The following FCN2 variants were observed in gnomAD, a reference collection of about 807,000 sequenced individuals.
The protein encoded by FCN2 is ficolin-2.
A neutral mutation model predicts 32.5 loss-of-function variants in FCN2; 31 were observed. The observed-to-expected ratio is 0.96, with a 90% CI of 0.72 to 1.29. FCN2 has a LOEUF of 1.29. FCN2 is among the 50% of genes most tolerant of loss of function. The pLI, the probability that FCN2 is intolerant of heterozygous loss-of-function variation, is 0.00. For missense variants in FCN2, 412 were observed against 406.5 expected (o/e 1.01, Z -0.12); for synonymous variants, 181 against 164.5 (o/e 1.10, Z -0.77).
chr9:134,885,217 AT>A, intron 4 of FCN2, 21 bp from the exon 5 acceptor site: 4 of 1,613,808 alleles, frequency 2.5e-6, no homozygotes, highest in Non-Finnish European at 3.4e-6. Context: ...TCCTGCAGCC[AT>A]TCCCCGGGTT....
Position 134,880,891 on chromosome 9 carries a change from T to A in FCN2, c.70T>A (p.Trp24Arg). The change falls in exon 1 of 8, where the codon TGG (tryptophan) becomes AGG (arginine). Residue 24 changes from tryptophan (W) to arginine (R), a missense_variant. Coordinates refer to ENST00000291744, the MANE Select transcript of FCN2 (RefSeq NM_004108.3). Reference sequence around the variant, plus strand: ...GCTGCTCTCTTTCCTGGGCATGGCCTGGGCTCTCCAGGCGGCAGACACCTG... The same window carrying A: ...GCTGCTCTCTTTCCTGGGCATGGCCAGGGCTCTCCAGGCGGCAGACACCTG... ...TLLLSFLGMAWALQAADTCPE... is the reference protein window; with the variant it reads ...TLLLSFLGMARALQAADTCPE... The A allele has an allele frequency of 6.2e-7, 1 of 1,613,558 alleles. No individual in the cohort carries two copies. The highest frequency in any genetic ancestry group is 8.5e-7 in the Non-Finnish European group (1 of 1,179,906).
At chr9:134,869,545 C>T in the FCN2 span, among the ~76,000 whole-genome samples, 5 of 152,332 alleles carry the variant, frequency 3.3e-5, no homozygotes, top group East Asian at 5.8e-4. Flanking sequence ...CTCCCTTCCC[C>T]GCCTCTGGAA....
chr9:134,871,941 C>A, the FCN2 span, among the ~76,000 whole-genome samples: 1 of 151,644 alleles, frequency 6.6e-6, no homozygotes, highest in Non-Finnish European at 1.5e-5. Context: ...CACCCACCCC[C>A]ACCCGGCCCC....
chr9:134,875,464 G>A, the FCN2 span, among the ~76,000 whole-genome samples: 1 of 152,114 alleles, frequency 6.6e-6, no homozygotes, highest in African/African-American at 2.4e-5. Flanking sequence ...TCTATGATTT[G>A]CTTCTAACCA....
chr9:134,864,937 T>C, the FCN2 span, among the ~76,000 whole-genome samples: 1 of 152,030 alleles, frequency 6.6e-6, no homozygotes, highest in Non-Finnish European at 1.5e-5. Context: ...AGCAGGGCCG[T>C]CTCCCCGGGG....
chr9:134,882,469 C>A, intron 1 of FCN2, 57 bp from the exon 2 acceptor site: 1 of 1,378,700 alleles, frequency 7.3e-7, no homozygotes, highest in Non-Finnish European at 1.0e-6. Flanking sequence ...ATATCTATGG[C>A]TCAGTGGAGT....
the FCN2 span, among the ~76,000 whole-genome samples, chr9:134,864,310 C>T: frequency 2.6e-5 from 4 of 152,298 alleles, no homozygotes; most frequent in Non-Finnish European, 4.4e-5. Context: ...ACAGGCAGGC[C>T]CTTCCCACAC....
Position 134,885,254 on chromosome 9 carries a change from A to G in FCN2, c.317A>G (p.Lys106Arg), listed in dbSNP as rs147936623. ...QPCLTGPRTC[K>R]DLLDRGHFLS... ...CCCTTCCCAGGCCCGCGTACCTGCAAGGACCTGCTAGACCGAGGGCACTTC... is the reference window on the plus strand; with the variant it reads ...CCCTTCCCAGGCCCGCGTACCTGCAGGGACCTGCTAGACCGAGGGCACTTC... Residue 106 changes from lysine to arginine, a missense_variant, in exon 5 of 8, where the codon AAG (lysine) becomes AGG (arginine). Transcript: ENST00000291744. 1,440 of 1,614,052 alleles carry G rather than the reference A, an allele frequency of 8.9e-4. 17 individuals carry two copies. In the Middle Eastern group the frequency reaches 0.016, roughly 18 times the overall value.
At chr9:134,872,045 C>G in the FCN2 span, among the ~76,000 whole-genome samples, 1,711 of 152,088 alleles carry the variant, frequency 0.011, 35 homozygotes, top group African/African-American at 0.037. Flanking sequence ...ATCCTATCCA[C>G]TCTCTGCTGC....
chr9:134,881,109 C>CAG (rs1449765551), intron 1 of FCN2, among the ~76,000 whole-genome samples, 188 bp downstream of exon 1: 1 of 152,226 alleles, frequency 6.6e-6, no homozygotes, highest in Non-Finnish European at 1.5e-5. Flanking sequence ...TGTGGCATCT[C>CAG]AGAGACGGAG....
upstream of FCN2, among the ~76,000 whole-genome samples, chr9:134,875,978 A>G (rs957338899): frequency 3.9e-5 from 6 of 152,256 alleles, no homozygotes; most frequent in African/African-American, 1.4e-4. Context: ...TCATTTTTGG[A>G]GAGCCTTTTT....
intron 6 of FCN2, 135 bp from the exon 7 acceptor site, chr9:134,886,295 G>A (rs537830521): frequency 9.7e-7 from 1 of 1,033,462 alleles, no homozygotes; most frequent in South Asian, 1.3e-5. Context: ...ACAGGCCCCG[G>A]GGATGCTGCG....
chr9:134,885,045 G>A (rs1239827531), intron 4 of FCN2, among the ~76,000 whole-genome samples, 194 bp from the exon 5 acceptor site: 2 of 152,242 alleles, frequency 1.3e-5, no homozygotes, highest in Non-Finnish European at 2.9e-5. Context: ...TGGGAGGTGG[G>A]AGGGCCAGGC....
intron 5 of FCN2, 57 bp from the exon 6 acceptor site, chr9:134,885,711 C>A: frequency 6.2e-7 from 1 of 1,612,256 alleles, no homozygotes; most frequent in East Asian, 2.2e-5. Context: ...GCGGGTCCCC[C>A]GTGCTGTGGG....
chr9:134,880,725 G>T, upstream of FCN2: 1 of 964,490 alleles, frequency 1.0e-6, no homozygotes, highest in Non-Finnish European at 1.6e-6. Flanking sequence ...AGAGGAAGCG[G>T]CTGTCACTCG....
chr9:134,885,115 C>T (rs1830725851), intron 4 of FCN2, 124 bp from the exon 5 acceptor site: 19 of 1,383,626 alleles, frequency 1.4e-5, no homozygotes, highest in Non-Finnish European at 1.8e-5. Context: ...GTCCAGGCCT[C>T]AGAGTCCCGC....
intron 3 of FCN2, among the ~76,000 whole-genome samples, chr9:134,883,855 G>T (rs1008798037): frequency 5.9e-5 from 8 of 135,438 alleles, no homozygotes; most frequent in South Asian, 2.9e-4. Context: ...GGTTCTTAGT[G>T]GGGGGGCTGT....
At chr9:134,878,305 C>T (rs1467850194), upstream of FCN2, among the ~76,000 whole-genome samples, 3 of 152,186 alleles carry the variant, frequency 2.0e-5, no homozygotes, top group African/African-American at 7.2e-5. Context: ...GAAGCCAGCT[C>T]AGCCATGAAC....
intron 1 of FCN2, 109 bp from the exon 2 acceptor site, chr9:134,882,417 C>T: frequency 1.1e-6 from 1 of 925,482 alleles, no homozygotes; most frequent in Non-Finnish European, 1.8e-6. Flanking sequence ...TCTGCCCAGT[C>T]CTGATGTCAC....
Sources: gnomAD v4.1 joint callset for allele counts (sites outside exome capture counted in the v4.1 genomes callset) on GRCh38, gnomAD v4.1.1 for gene constraint, MANE v1.5 for transcripts, NCBI Gene and HGNC (gene_info 2026-07-23, HGNC 2026-07-21) for gene names.